ODAD1: variants seen among roughly 807,000 people sequenced by gnomAD.
ODAD1 encodes the protein outer dynein arm docking complex subunit 1.
Under a neutral mutation model 67.2 loss-of-function variants are expected in ODAD1, and 49 were observed. The observed-to-expected ratio is 0.73, with a 90% CI of 0.58 to 0.92. ODAD1 has a LOEUF of 0.92. Ranked by LOEUF, ODAD1 falls within the 40% of genes least tolerant of loss-of-function variation. The probability of loss-of-function intolerance (pLI) is 0.00; values close to 1 mark genes in which losing one functional copy is unlikely to be tolerated. For synonymous variants in ODAD1, 345 were observed against 393.7 expected (o/e 0.88, Z 1.46); for missense variants, 897 against 953.7 (o/e 0.94, Z 0.78).
chr19:48,317,322 T>C (rs1299777266), intron 5 of ODAD1, among the ~76,000 whole-genome samples: 1 of 152,158 alleles, frequency 6.6e-6, no homozygotes, highest in Non-Finnish European at 1.5e-5. Flanking sequence ...TCATGAGTCA[T>C]GGTCATAAAA....
intron 8 of ODAD1, among the ~76,000 whole-genome samples, chr19:48,305,779 G>A (rs1040707875): frequency 1.3e-5 from 2 of 152,042 alleles, no homozygotes; most frequent in Non-Finnish European, 1.5e-5. Context: ...GAACAGGGCC[G>A]GTGGGGTGCA....
rs947350181 is a variant in ODAD1, at chr19:48,312,025, C to G, written c.452G>C (p.Arg151Thr). 19 of 1,551,476 alleles carry G rather than the reference C, an allele frequency of 1.2e-5. No individual in the cohort carries two copies. The highest frequency in any genetic ancestry group is 1.7e-5 in the Non-Finnish European group (19 of 1,146,810). The stretch of plus-strand genomic sequence containing the variant: ...CAACTGGTTTTCTAGGATCCTGATC[C>G]TTCGCCTGATCTTGACCTTCTGATC... ...ILDQKVKIRRRIRILENQLDR... is the reference protein window; with the variant it reads ...ILDQKVKIRRTIRILENQLDR... Residue 151 changes from arginine to threonine, a missense_variant, in exon 6 of 16, where the codon AGG (arginine) becomes ACG (threonine). Physicochemically the swap from Arg to Thr is moderately conservative, Grantham distance 71 (BLOSUM62 -1). Coordinates refer to ENST00000674294, the MANE Select transcript of ODAD1 (RefSeq NM_001364171.2).
chr19:48,311,226 A>C (rs1022070360), intron 7 of ODAD1, among the ~76,000 whole-genome samples: 1 of 152,168 alleles, frequency 6.6e-6, no homozygotes, highest in Non-Finnish European at 1.5e-5. Flanking sequence ...AAAGAAAGAA[A>C]GAAAGTCAAA....
chr19:48,303,506 C>T (rs979463063), intron 10 of ODAD1, 144 bp downstream of exon 10: 15 of 981,704 alleles, frequency 1.5e-5, no homozygotes, highest in African/African-American at 1.1e-4. Context: ...CCAGTGGACG[C>T]GGGCGGCGGG....
intron 7 of ODAD1, among the ~76,000 whole-genome samples, chr19:48,308,770 C>T (rs1445992793): frequency 6.6e-6 from 1 of 152,042 alleles, no homozygotes; most frequent in African/African-American, 2.4e-5. Flanking sequence ...CCCCGCCCTC[C>T]TGGGCGGGAC....
intron 5 of ODAD1, among the ~76,000 whole-genome samples, 172 bp downstream of exon 5, chr19:48,318,215 C>T (rs1035671628): frequency 2.0e-5 from 3 of 152,112 alleles, no homozygotes; most frequent in Non-Finnish European, 4.4e-5. Context: ...TGGTCTTGAA[C>T]TCCTGACCTC....
rs199960441 is a variant in ODAD1, at chr19:48,304,108, C to G, written c.698G>C (p.Arg233Pro). The stretch of plus-strand genomic sequence containing the variant: ...GGCCTCCTCTTTCTCCGCGCGCTCC[C>G]GCAGCAAGCCCATCTTGGCCTTCGC... Reference protein sequence around the residue: ...EEAKAKMGLLRERAEKEEAQS... With the variant: ...EEAKAKMGLLPERAEKEEAQS... Residue 233 changes from arginine to proline, a missense_variant, in exon 9 of 16, where the codon CGG becomes CCG. Arg to Pro is a moderately radical substitution (Grantham distance 103). Transcript: ENST00000674294. 7 of 1,612,480 alleles carry G rather than the reference C, an allele frequency of 4.3e-6. No individual in the cohort carries two copies. Among genetic ancestry groups the G allele is most frequent in the Admixed American group, 3.3e-5 (2 of 59,972 alleles).
At chr19:48,319,308 AACCCTACCCCACCCACAGCAG>A in intron 3 of ODAD1, 1 of 322,354 alleles carries the variant, frequency 3.1e-6, no homozygotes, top group Non-Finnish European at 4.5e-6. Context: ...ACCCACAGCC[AACCCTACCCCACCCACAGCAG>A]ACCCTACCCC....
rs183320065 is a variant in ODAD1, at chr19:48,303,523, G to A, written c.988+127C>T. On this transcript the variant is annotated intron_variant, in intron 10 of 15. Coordinates refer to ENST00000674294, the MANE Select transcript of ODAD1 (RefSeq NM_001364171.2). ...AGTGGACGCGGGCGGCGGGTCCCAGGCATGACGCCTTGTTCCTCCAGCACA... is the reference window on the plus strand; with the variant it reads ...AGTGGACGCGGGCGGCGGGTCCCAGACATGACGCCTTGTTCCTCCAGCACA... 5.2e-5 allele frequency: 63 copies of A among 1,215,718 alleles called. No homozygotes were observed. The Middle Eastern group carries it at 1.5e-3, about 28-fold the overall frequency. The allele number at this position is 1,215,718 out of a possible 1,614,324, so 75.3% of individuals were successfully genotyped here. A position where few individuals can be genotyped will look rare whatever the true frequency, so the allele number is the denominator to read the frequency against.
rs1040783866 is a variant in ODAD1, at chr19:48,311,500, G to C, written c.597+53C>G. On this transcript the variant is annotated intron_variant, in intron 7 of 15. Coordinates refer to ENST00000674294, the MANE Select transcript of ODAD1 (RefSeq NM_001364171.2). ...AGCAGGAAGGGCAAACAGCTGTGGGGAGGACCTGCGCAGGGGTCCCTGTCT... is the reference window on the plus strand; with the variant it reads ...AGCAGGAAGGGCAAACAGCTGTGGGCAGGACCTGCGCAGGGGTCCCTGTCT... 1.7e-5 allele frequency: 17 copies of C among 1,014,910 alleles called. No homozygotes were observed. The Admixed American group carries it at 3.2e-4, about 19-fold the overall frequency. The allele number at this position is 1,014,910 out of a possible 1,614,324, so 62.9% of individuals were successfully genotyped here.
intron 3 of ODAD1, 117 bp from the exon 4 acceptor site, chr19:48,318,929 A>G (rs1968971297): frequency 1.5e-6 from 1 of 656,450 alleles, no homozygotes; most frequent in Non-Finnish European, 2.7e-6. Context: ...TGAACTGCAG[A>G]TCCAGCCCCC....
chr19:48,316,377 C>CA (rs777896204), intron 5 of ODAD1, among the ~76,000 whole-genome samples: 9,763 of 128,592 alleles, frequency 0.076, 582 homozygotes, highest in African/African-American at 0.18. Context: ...GAGACTTCGT[C>CA]AAAAAAAAAA....
At chr19:48,321,622 G>T in intron 1 of ODAD1, 56 bp downstream of exon 1, 1 of 377,712 alleles carries the variant, frequency 2.6e-6, no homozygotes, top group Non-Finnish European at 4.7e-6. Context: ...GGCCTTGAAG[G>T]CCTGCGGGAG....
chr19:48,311,008 C>T (rs1600868403), intron 7 of ODAD1, among the ~76,000 whole-genome samples: 2 of 151,864 alleles, frequency 1.3e-5, no homozygotes, highest in South Asian at 2.1e-4. Flanking sequence ...GTCAGGAGAT[C>T]GAGACCATCC....
chr19:48,301,926 A>G (rs1173260091), intron 12 of ODAD1, among the ~76,000 whole-genome samples: 1 of 151,568 alleles, frequency 6.6e-6, no homozygotes, highest in East Asian at 1.9e-4. Flanking sequence ...GATATGGGAC[A>G]GATGAAGGAA....
Position 48,303,644 on chromosome 19 carries a change from A to G in ODAD1, c.988+6T>C, listed in dbSNP as rs1490849673. On this transcript the variant is annotated splice_donor_region_variant and intron_variant, in intron 10 of 15. Transcript: ENST00000674294. ...GCCTCCTCCCTCCACCCAGGGCCCC[A>G]CTCACTCTCCAGATACTTCTGCACC... 6.2e-7 allele frequency: 1 copy of G among 1,613,694 alleles called. No individual in the cohort carries two copies. The highest frequency in any genetic ancestry group is 8.5e-7 in the Non-Finnish European group (1 of 1,179,836).
At chr19:48,321,606 C>T in intron 1 of ODAD1, 72 bp downstream of exon 1, 1 of 372,004 alleles carries the variant, frequency 2.7e-6, no homozygotes, top group Non-Finnish European at 4.8e-6. Flanking sequence ...AATCGGGAGG[C>T]GCTCAGGCCT....
rs940090376 is a variant in ODAD1, at chr19:48,310,290, A to C, written c.597+1263T>G. 2.7e-4 allele frequency among the ~76,000 whole-genome samples: 41 copies of C among 151,940 alleles called. 1 individual carries two copies. Among genetic ancestry groups the C allele is most frequent in the African/African-American group, 9.7e-4 (40 of 41,348 alleles). ...TGTCAGGGGACATCGCACAACACAAACGGCCTGGATGCTTCCAAAATGTCA... is the reference window on the plus strand; with the variant it reads ...TGTCAGGGGACATCGCACAACACAACCGGCCTGGATGCTTCCAAAATGTCA... On this transcript the variant is annotated intron_variant, in intron 7 of 15. Transcript: ENST00000674294.
intron 5 of ODAD1, among the ~76,000 whole-genome samples, chr19:48,315,277 G>A (rs577163339): frequency 2.8e-4 from 42 of 152,144 alleles, no homozygotes; most frequent in African/African-American, 9.6e-4. Context: ...GGGCACGGTG[G>A]CTCACGCCTG....
Sources: allele counts gnomAD v4.1 joint callset (sites outside exome capture counted in the v4.1 genomes callset), GRCh38; gene constraint gnomAD v4.1.1; transcripts MANE v1.5; gene names NCBI Gene and HGNC (gene_info 2026-07-23, HGNC 2026-07-21).